SEC63: variants seen among roughly 807,000 people sequenced by gnomAD.
The protein encoded by SEC63 is SEC63 protein translocation regulator.
SEC63 carries 56 observed loss-of-function variants against 116.2 expected under a neutral mutation model. That is an observed-to-expected ratio of 0.48 (90% confidence interval 0.39 to 0.60). The LOEUF (loss-of-function observed/expected upper bound fraction) is 0.60. SEC63 is among the 20% of genes least tolerant of loss of function. SEC63 has a pLI of 0.00. For missense variants in SEC63, 668 were observed against 900.0 expected (o/e 0.74, Z 3.30); for synonymous variants, 273 against 294.6 (o/e 0.93, Z 0.75).
chr6:107,955,369 G>T (rs952800178), intron 1 of SEC63, among the ~76,000 whole-genome samples: 1 of 152,116 alleles, frequency 6.6e-6, no homozygotes, highest in Non-Finnish European at 1.5e-5. Flanking sequence ...CACCATGTTG[G>T]CCAGGCTGGT....
At chr6:107,910,044 A>T (rs182983051) in intron 7 of SEC63, among the ~76,000 whole-genome samples, 4 of 152,228 alleles carry the variant, frequency 2.6e-5, no homozygotes, top group African/African-American at 7.2e-5. Flanking sequence ...GGTTTTTTTT[A>T]AAATGAATGT....
rs1786056277 is a variant in SEC63 at position 107,868,698 on chromosome 6, A to C, written c.*3006T>G. ...AAAAAAAAAAAAAGGCATTCCAAATAATAGCCAAGGCAAATGGATTTAAAT... is the reference window on the plus strand; with the variant it reads ...AAAAAAAAAAAAAGGCATTCCAAATCATAGCCAAGGCAAATGGATTTAAAT... On this transcript the variant is annotated 3_prime_UTR_variant, in exon 21 of 21. Coordinates refer to ENST00000369002, the MANE Select transcript of SEC63 (RefSeq NM_007214.5). The C allele has an allele frequency of 1.3e-5, 2 of 152,240 alleles. No individual in the cohort carries two copies. The highest frequency in any genetic ancestry group is 4.8e-5 in the African/African-American group (2 of 41,562). 9.4% of individuals were successfully genotyped at this position (152,240 alleles called of 1,614,324 possible). A position where few individuals can be genotyped will look rare whatever the true frequency, so the allele number is the denominator to read the frequency against.
At chr6:107,913,318 A>G (rs747556380) in intron 5 of SEC63, 48 bp downstream of exon 5, 79 of 1,145,852 alleles carry the variant, frequency 6.9e-5, no homozygotes, top group Non-Finnish European at 9.4e-5. Context: ...TAACATTTTT[A>G]TAATATATAC....
intron 3 of SEC63, among the ~76,000 whole-genome samples, chr6:107,923,405 C>A (rs1012889980): frequency 6.6e-6 from 1 of 152,138 alleles, no homozygotes; most frequent in Non-Finnish European, 1.5e-5. Flanking sequence ...CGAGCCACTG[C>A]GGCTGGCCAA....
At chr6:107,933,932 G>A (rs546586422) in intron 1 of SEC63, among the ~76,000 whole-genome samples, 83 of 152,340 alleles carry the variant, frequency 5.4e-4, no homozygotes, top group Admixed American at 4.2e-3. Flanking sequence ...TGTGTTGGCC[G>A]GGCTGGTCTC....
At chr6:107,916,142 G>A (rs576758239) in intron 4 of SEC63, among the ~76,000 whole-genome samples, 1 of 152,174 alleles carries the variant, frequency 6.6e-6, no homozygotes, top group African/African-American at 2.4e-5. Flanking sequence ...TTTCACCAAA[G>A]CACTAAAATA....
intron 4 of SEC63, among the ~76,000 whole-genome samples, chr6:107,914,761 G>A (rs533515314): frequency 9.1e-4 from 138 of 152,176 alleles, no homozygotes; most frequent in Non-Finnish European, 1.8e-3. Context: ...TTTCACTATT[G>A]TCTTCTAATT....
At chr6:107,949,489 A>T (rs1043335331) in intron 1 of SEC63, among the ~76,000 whole-genome samples, 2 of 152,086 alleles carry the variant, frequency 1.3e-5, no homozygotes, top group Non-Finnish European at 2.9e-5. Context: ...AAATAAAATA[A>T]AATAAAAATT....
intron 18 of SEC63, among the ~76,000 whole-genome samples, chr6:107,878,071 G>A (rs991782273): frequency 1.3e-5 from 2 of 152,076 alleles, no homozygotes; most frequent in Admixed American, 1.3e-4. Context: ...ACTCAAATCT[G>A]CCCTTGCAGC....
chr6:107,911,904 C>T (rs1475166256), intron 6 of SEC63, among the ~76,000 whole-genome samples: 3 of 152,140 alleles, frequency 2.0e-5, no homozygotes, highest in Admixed American at 1.3e-4. Context: ...CTTCATAATG[C>T]TGACTAGCAA....
At chr6:107,891,882 C>T (rs1338365826) in intron 16 of SEC63, among the ~76,000 whole-genome samples, 11 of 152,204 alleles carry the variant, frequency 7.2e-5, no homozygotes, top group African/African-American at 2.7e-4. Flanking sequence ...GTATCACCAG[C>T]GGAGGCTGCA....
intron 1 of SEC63, among the ~76,000 whole-genome samples, chr6:107,940,729 G>T (rs748512363): frequency 6.7e-6 from 1 of 150,204 alleles, no homozygotes. Context: ...GATAGGAAAA[G>T]TTGGCAGAAT....
chr6:107,917,133 G>C (rs549066942), intron 4 of SEC63, among the ~76,000 whole-genome samples: 5 of 152,178 alleles, frequency 3.3e-5, no homozygotes, highest in Non-Finnish European at 7.4e-5. Context: ...ACAAACAACA[G>C]CATGAGCGAT....
chr6:107,910,693 TCATA>T (rs1211391919), intron 7 of SEC63, among the ~76,000 whole-genome samples: 4 of 152,130 alleles, frequency 2.6e-5, no homozygotes, highest in Admixed American at 6.5e-5. Context: ...TATACATATG[TCATA>T]CATATATACA....
intron 11 of SEC63, among the ~76,000 whole-genome samples, chr6:107,903,199 C>A (rs1787048516): frequency 6.6e-6 from 1 of 152,052 alleles, no homozygotes; most frequent in Non-Finnish European, 1.5e-5. Context: ...CCAGCAACAA[C>A]CATTGATTTA....
intron 11 of SEC63, 195 bp from the exon 12 acceptor site, chr6:107,903,193 C>T (rs1324371362): frequency 1.6e-6 from 1 of 642,204 alleles, no homozygotes; most frequent in African/African-American, 1.8e-5. Context: ...CATTTTCCAG[C>T]AACAACCATT....
chr6:107,884,796 A>T (rs937940478), intron 16 of SEC63, among the ~76,000 whole-genome samples: 7 of 152,208 alleles, frequency 4.6e-5, no homozygotes, highest in African/African-American at 1.7e-4. Context: ...AATCCAAAGA[A>T]AATACTGTAA....
Position 107,887,584 on chromosome 6 carries a change from T to G in SEC63, c.1675-4438A>C, listed in dbSNP as rs1414121185. 2.0e-5 allele frequency among the ~76,000 whole-genome samples: 3 copies of G among 147,618 alleles called. No homozygotes were observed. In the Admixed American group the frequency reaches 2.0e-4, roughly 10 times the overall value. On this transcript the variant is annotated intron_variant, in intron 16 of 20. Transcript: ENST00000369002. ...GGACACAGGAAGGGGAATATCACAC[T>G]CTGGGGACTGTTGTGGGGTGGGGGA...
intron 1 of SEC63, among the ~76,000 whole-genome samples, chr6:107,939,767 TTA>T (rs1770333720): frequency 6.6e-6 from 1 of 151,938 alleles, no homozygotes; most frequent in African/African-American, 2.4e-5. Flanking sequence ...TAAAAATAAT[TTA>T]AAAAAAAAAA....
Sources: gnomAD v4.1 joint callset for allele counts (sites outside exome capture counted in the v4.1 genomes callset) on GRCh38, gnomAD v4.1.1 for gene constraint, MANE v1.5 for transcripts, NCBI Gene and HGNC (gene_info 2026-07-23, HGNC 2026-07-21) for gene names.